Variants in WNT4 observed in about 807,000 individuals in gnomAD.
WNT4 encodes protein Wnt-4.
A neutral mutation model predicts 34.5 loss-of-function variants in WNT4; 16 were observed. The ratio of observed to expected loss-of-function variants is 0.46; its 90% confidence interval spans 0.31 to 0.70. The LOEUF (loss-of-function observed/expected upper bound fraction) is 0.70. Among genes scored for constraint, WNT4 ranks in the 30% least tolerant of loss-of-function variants. The pLI is 0.04. For synonymous variants in WNT4, 200 were observed against 211.9 expected (o/e 0.94, Z 0.49); for missense variants, 379 against 495.9 (o/e 0.76, Z 2.24).
At chr1:22,126,215 A>G (rs1012821553) in intron 2 of WNT4, among the ~76,000 whole-genome samples, 3 of 152,152 alleles carry the variant, frequency 2.0e-5, no homozygotes, top group African/African-American at 7.2e-5. Flanking sequence ...TTCACTGTCC[A>G]TCTTGCCTCC....
intron 1 of WNT4, among the ~76,000 whole-genome samples, chr1:22,131,330 G>T (rs2124121534): frequency 6.6e-6 from 1 of 152,390 alleles, no homozygotes; most frequent in African/African-American, 2.4e-5. Flanking sequence ...ATCGAAACGT[G>T]TGCAGGGTTT....
At position 22,121,726 on chromosome 1, in the gene WNT4, G is replaced by A. The variant is rs1378445780; in HGVS notation, c.314-150C>T. On this transcript the variant is annotated intron_variant, in intron 2 of 4. Coordinates refer to ENST00000290167, the MANE Select transcript of WNT4 (RefSeq NM_030761.5). ...GAAATCATGTGCTAGGCACCCCACG[G>A]CGCTTGTTCTTATCACACCAATAGC... 9 of 1,279,038 alleles carry A rather than the reference G, an allele frequency of 7.0e-6. No individual in the cohort carries two copies. In the East Asian group the frequency reaches 2.3e-4, roughly 32 times the overall value. The allele number at this position is 1,279,038 out of a possible 1,614,324, so 79.2% of individuals were successfully genotyped here. A position where few individuals can be genotyped will look rare whatever the true frequency, so the allele number is the denominator to read the frequency against.
At chr1:22,133,596 G>A (rs1053337389) in intron 1 of WNT4, among the ~76,000 whole-genome samples, 18 of 152,248 alleles carry the variant, frequency 1.2e-4, no homozygotes, top group African/African-American at 3.4e-4. Context: ...TTCTCCTGTC[G>A]TGGCTGCATT....
intron 1 of WNT4, among the ~76,000 whole-genome samples, chr1:22,141,023 C>T (rs368123289): frequency 1.3e-5 from 2 of 152,302 alleles, no homozygotes; most frequent in South Asian, 2.1e-4. Flanking sequence ...GTGATGCCAC[C>T]GGGCCATGCT....
At chr1:22,121,813 C>T (rs1426529690) in intron 2 of WNT4, among the ~76,000 whole-genome samples, 1 of 152,228 alleles carries the variant, frequency 6.6e-6, no homozygotes, top group African/African-American at 2.4e-5. Context: ...TGCTGTCATC[C>T]TCACAACCAC....
rs1646008692 is a variant in WNT4, at chr1:22,134,685, A to G, written c.78-4834T>C. 6.6e-6 allele frequency among the ~76,000 whole-genome samples: 1 copy of G among 152,156 alleles called. No homozygotes were observed. The highest frequency in any genetic ancestry group is 6.5e-5 in the Admixed American group (1 of 15,276). Reference sequence around the variant, plus strand: ...GCCTAAATGAATGAAATCTGTGTGCAGGAGATGCTCGTCCCTGCTGCAGCA... The same window carrying G: ...GCCTAAATGAATGAAATCTGTGTGCGGGAGATGCTCGTCCCTGCTGCAGCA... On this transcript the variant is annotated intron_variant, in intron 1 of 4. Transcript: ENST00000290167. The surrounding 1 kb of genome is among the most constrained non-coding windows in gnomAD (Gnocchi z 4.1).
At chr1:22,127,489 G>GA in intron 2 of WNT4, 1 of 532,002 alleles carries the variant, frequency 1.9e-6, no homozygotes. Flanking sequence ...CACCTGCCAA[G>GA]AAACAGGTCA....
At chr1:22,128,109 C>T (rs1316504107) in intron 2 of WNT4, among the ~76,000 whole-genome samples, 1 of 152,236 alleles carries the variant, frequency 6.6e-6, no homozygotes, top group Non-Finnish European at 1.5e-5. Flanking sequence ...GTCTCTGTTG[C>T]TTTTCCAGAG....
At chr1:22,133,379 G>A (rs999780177) in intron 1 of WNT4, among the ~76,000 whole-genome samples, 3 of 152,162 alleles carry the variant, frequency 2.0e-5, no homozygotes, top group Non-Finnish European at 4.4e-5. Flanking sequence ...AGACCCATCA[G>A]GGCGAGGCCT....
At chr1:22,128,041 C>T (rs1470567717) in intron 2 of WNT4, among the ~76,000 whole-genome samples, 2 of 152,196 alleles carry the variant, frequency 1.3e-5, no homozygotes, top group Admixed American at 1.3e-4. Context: ...TCTGGGGCTC[C>T]ATCAACCAGG....
In WNT4 at chr1:22,140,361, G is replaced by T; in HGVS notation, c.77+2485C>A. 1 of 717,024 alleles carries T rather than the reference G, an allele frequency of 1.4e-6. No individual in the cohort carries two copies. Among genetic ancestry groups the T allele is most frequent in the East Asian group, 1.3e-4 (1 of 7,550 alleles). 44.4% of individuals were successfully genotyped at this position (717,024 alleles called of 1,614,324 possible). On this transcript the variant is annotated intron_variant, in intron 1 of 4. Transcript: ENST00000290167. This position sits in a 1 kb window ranked among gnomAD's most constrained non-coding sequence, Gnocchi z 5.9. ...TCCCCAATCTTCTCATCTGTAACGG[G>T]ATTGAAACGTTGTTGGGATTTAGAT... is the stretch of plus-strand genomic sequence containing the variant.
Position 22,120,489 on chromosome 1 carries a change from C to G in WNT4, c.617G>C (p.Cys206Ser). The change falls in exon 5 of 5, where the codon TGC (cysteine) becomes TCC (serine). Residue 206 changes from cysteine (C) to serine (S), a missense_variant. Cys to Ser is a moderately radical substitution (Grantham distance 112, BLOSUM62 -1). Around this residue, in one of 2 missense-constraint regions of WNT4, gnomAD observed 313 missense variants for 445.8 expected, o/e 0.70. Coordinates refer to ENST00000290167, the MANE Select transcript of WNT4 (RefSeq NM_030761.5). ...GGAGCCTGACACCCCGTGGCACTTG[C>G]ATTCCACCCGCATGTGTGTCAGGAT... ...KAILTHMRVE[C>S]KCHGVSGSCE... The G allele has an allele frequency of 1.9e-6, 3 of 1,613,294 alleles. No homozygotes were observed. Among genetic ancestry groups the G allele is most frequent in the Non-Finnish European group, 2.5e-6 (3 of 1,179,930 alleles).
intron 2 of WNT4, among the ~76,000 whole-genome samples, chr1:22,124,964 A>T (rs1004437614): frequency 2.0e-5 from 3 of 152,170 alleles, no homozygotes; most frequent in African/African-American, 7.2e-5. Flanking sequence ...GCCTTTCCAG[A>T]TTCCTTTACT....
Position 22,139,047 on chromosome 1 carries a change from T to C in WNT4, c.77+3799A>G, listed in dbSNP as rs1384737480. Among the ~76,000 whole-genome samples the C allele has an allele frequency of 1.3e-5, 2 of 152,194 alleles. No individual in the cohort carries two copies. Among genetic ancestry groups the C allele is most frequent in the Non-Finnish European group, 2.9e-5 (2 of 68,012 alleles). ...TTGGCTTGTGAGCCAGGCTAGGTCT[T>C]CCTGACTCTGGGAGGCTCCTGCGGG... On this transcript the variant is annotated intron_variant, in intron 1 of 4. Transcript: ENST00000290167. This position sits in a 1 kb window ranked among gnomAD's most constrained non-coding sequence, Gnocchi z 4.6.
rs1159900973 is a variant in WNT4 at position 22,126,843 on chromosome 1, A to G, written c.313+2773T>C. ...CGTGACAGCCTCATGAGGTGGGCCT[A>G]TGTGTGGCCTTGTTGCCAGGCAAGG... On this transcript the variant is annotated intron_variant, in intron 2 of 4. Transcript: ENST00000290167. Among the ~76,000 whole-genome samples, 5 of 152,222 alleles carry G rather than the reference A, an allele frequency of 3.3e-5. No homozygotes were observed. In the East Asian group the frequency reaches 5.8e-4, roughly 18 times the overall value.
intron 2 of WNT4, among the ~76,000 whole-genome samples, chr1:22,125,038 A>T (rs1476015881): frequency 6.6e-6 from 1 of 152,208 alleles, no homozygotes; most frequent in Non-Finnish European, 1.5e-5. Context: ...TTTGGATTTA[A>T]GAGACAATAT....
chr1:22,120,560 A>AGGGAAGGCAG, intron 4 of WNT4, 43 bp from the exon 5 acceptor site: 1 of 1,562,938 alleles, frequency 6.4e-7, no homozygotes, highest in East Asian at 2.4e-5. Context: ...GGAGATGGCA[A>AGGGAAGGCAG]GGGAAGGCAG....
At chr1:22,138,409 C>CG (rs1320517559) in intron 1 of WNT4, among the ~76,000 whole-genome samples, 3 of 151,528 alleles carry the variant, frequency 2.0e-5, no homozygotes, top group East Asian at 3.9e-4. Flanking sequence ...TTTGCCCGCC[C>CG]CCCAGGGGAC....
At position 22,120,114 on chromosome 1, in the gene WNT4, T is replaced by A. The variant is rs1292945005; in HGVS notation, c.992A>T (p.His331Leu). The A allele has an allele frequency of 6.2e-7, 1 of 1,613,038 alleles. No individual in the cohort carries two copies. Among genetic ancestry groups the A allele is most frequent in the African/African-American group, 1.3e-5 (1 of 75,042 alleles). Residue 331 changes from histidine to leucine, a missense_variant, in exon 5 of 5, where the codon CAC (histidine) becomes CTC (leucine). His to Leu is a moderately conservative substitution (Grantham distance 99, BLOSUM62 -3). This residue lies in a region of WNT4 where 313 missense variants were observed against 445.8 expected (regional missense o/e 0.70). Coordinates refer to ENST00000290167, the MANE Select transcript of WNT4 (RefSeq NM_030761.5). ...CCGGCACTTGACGAAGCAGCACCAGTGGAATTTGCAGCTGCAGCGTTCAGC... is the reference window on the plus strand; with the variant it reads ...CCGGCACTTGACGAAGCAGCACCAGAGGAATTTGCAGCTGCAGCGTTCAGC... The part of the protein sequence containing the change: ...ELAERCSCKF[H>L]WCCFVKCRQC...
Sources: gnomAD v4.1 joint callset for allele counts (sites outside exome capture counted in the v4.1 genomes callset) on GRCh38, gnomAD v4.1.1 for gene constraint, gnomAD v4.1.1 regional missense constraint, Gnocchi (gnomAD v3.1) non-coding constraint, MANE v1.5 for transcripts, NCBI Gene and HGNC (gene_info 2026-07-23, HGNC 2026-07-21) for gene names.